The following GALNT2 variants were observed in gnomAD, a reference collection of about 807,000 sequenced individuals.
GALNT2 encodes UDP-GalNAc:polypeptide N-acetylgalactosaminyltransferase 2.
In GALNT2, 31 loss-of-function variants were observed where a neutral mutation model predicts 81.4. That is an observed-to-expected ratio of 0.38 (90% confidence interval 0.29 to 0.51). The LOEUF is 0.51. Among genes scored for constraint, GALNT2 ranks in the 20% least tolerant of loss-of-function variants. The pLI is 0.87. For synonymous variants in GALNT2, 303 were observed against 287.4 expected (o/e 1.05, Z -0.55); for missense variants, 629 against 765.7 (o/e 0.82, Z 2.11).
At chr1:230,231,590 A>C (rs2102731822) in intron 3 of GALNT2, among the ~76,000 whole-genome samples, 1 of 152,330 alleles carries the variant, frequency 6.6e-6, no homozygotes. Flanking sequence ...AGACAGAGTC[A>C]TTCTTCTACC....
chr1:230,109,843 A>G (rs1660651505), intron 1 of GALNT2, among the ~76,000 whole-genome samples: 1 of 152,138 alleles, frequency 6.6e-6, no homozygotes, highest in Non-Finnish European at 1.5e-5. Context: ...AAAAAAAAAA[A>G]AAGAAGGAAC....
At position 230,067,269 on chromosome 1, in the gene GALNT2, C is replaced by T. The variant is rs779679053; in HGVS notation, c.-12C>T. 7.5e-5 allele frequency: 99 copies of T among 1,313,636 alleles called. No individual in the cohort carries two copies. Among genetic ancestry groups the T allele is most frequent in the South Asian group, 9.6e-5 (5 of 52,340 alleles). The allele number at this position is 1,313,636 out of a possible 1,614,324, so 81.4% of individuals were successfully genotyped here. On this transcript the variant is annotated 5_prime_UTR_variant, in exon 1 of 16. Coordinates refer to ENST00000366672, the MANE Select transcript of GALNT2 (RefSeq NM_004481.5). ...GAGCAGCGGCGGCCCCGCCGGCGGC[C>T]GAGTTGGGAGAATGCGGCGGCGCTC...
chr1:230,059,072 T>C (rs537676147), intron 1 of GALNT2, among the ~76,000 whole-genome samples: 66 of 152,352 alleles, frequency 4.3e-4, no homozygotes, highest in African/African-American at 1.5e-3. Context: ...TCTCCTTTTC[T>C]CCTGATTGGG....
chr1:230,103,440 C>G (rs1454442133), intron 1 of GALNT2, among the ~76,000 whole-genome samples: 3 of 152,212 alleles, frequency 2.0e-5, no homozygotes, highest in African/African-American at 7.2e-5. Context: ...GCAGCAGCCC[C>G]CCTTTTCTCC....
At chr1:230,101,133 C>T (rs924920642) in intron 1 of GALNT2, among the ~76,000 whole-genome samples, 7 of 152,144 alleles carry the variant, frequency 4.6e-5, no homozygotes, top group African/African-American at 1.4e-4. Context: ...TCTGATCACA[C>T]GAGCAAGAAA....
chr1:230,110,577 AC>A (rs1438012549), intron 1 of GALNT2, among the ~76,000 whole-genome samples: 3 of 152,146 alleles, frequency 2.0e-5, no homozygotes, highest in Admixed American at 2.0e-4. Flanking sequence ...TAACCAGAAC[AC>A]TTAGAATGGT....
chr1:230,200,143 A>G (rs1333316997), intron 2 of GALNT2, among the ~76,000 whole-genome samples: 2 of 147,846 alleles, frequency 1.4e-5, no homozygotes, highest in African/African-American at 5.1e-5. Flanking sequence ...GCTCACTGCA[A>G]CCTCCGCCTC....
intron 3 of GALNT2, among the ~76,000 whole-genome samples, chr1:230,224,846 G>A (rs1664658502): frequency 6.6e-6 from 1 of 152,256 alleles, no homozygotes; most frequent in African/African-American, 2.4e-5. Flanking sequence ...GTGTCACAGG[G>A]AGGATAAACA....
At chr1:230,065,087 T>C (rs1430291412), upstream of GALNT2, among the ~76,000 whole-genome samples, 1 of 152,206 alleles carries the variant, frequency 6.6e-6, no homozygotes, top group Non-Finnish European at 1.5e-5. Context: ...ATTAATTAGG[T>C]TTTATTGTTT....
Position 230,171,591 on chromosome 1 carries a change from A to G in GALNT2, c.127-6627A>G, listed in dbSNP as rs1388588794. Among the ~76,000 whole-genome samples the G allele has an allele frequency of 2.0e-5, 3 of 152,386 alleles. No individual in the cohort carries two copies. The East Asian group carries it at 5.8e-4, about 29-fold the overall frequency. On this transcript the variant is annotated intron_variant, in intron 1 of 15. Transcript: ENST00000366672. ...AGTGACAACATATATTTCAGCAAGC[A>G]GAGATTAAAAACAGCCCATTTATTT...
intron 1 of GALNT2, among the ~76,000 whole-genome samples, chr1:230,173,194 G>A (rs74878616): frequency 2.0e-5 from 3 of 152,180 alleles, no homozygotes; most frequent in East Asian, 1.9e-4. Context: ...CAAAGGGAGC[G>A]AAGACCACAG....
At chr1:230,080,916 T>G (rs1299155419) in intron 1 of GALNT2, among the ~76,000 whole-genome samples, 4 of 152,222 alleles carry the variant, frequency 2.6e-5, no homozygotes, top group African/African-American at 9.6e-5. Context: ...ACTGTCACTT[T>G]GAAGGCGGGG....
rs939002718 is a variant in GALNT2 at position 230,193,607 on chromosome 1, G to A, written c.221-9530G>A. On this transcript the variant is annotated intron_variant, in intron 2 of 15. Transcript: ENST00000366672. This position sits in a 1 kb window ranked among gnomAD's most constrained non-coding sequence, Gnocchi z 4.3. Reference sequence around the variant, plus strand: ...GTCATCTTTTTTTTTTCAAATATAAGGTTTAGTAAAAACAAAAATTTTAAG... The same window carrying A: ...GTCATCTTTTTTTTTTCAAATATAAAGTTTAGTAAAAACAAAAATTTTAAG... Among the ~76,000 whole-genome samples the A allele has an allele frequency of 1.4e-4, 21 of 151,546 alleles. No homozygotes were observed. The highest frequency in any genetic ancestry group is 1.3e-3 in the Admixed American group (20 of 15,216).
chr1:230,228,719 C>T (rs12030887), intron 3 of GALNT2, among the ~76,000 whole-genome samples: 16,486 of 151,948 alleles, frequency 0.11, 1,839 homozygotes, highest in East Asian at 0.57. Flanking sequence ...CATGGCTCCT[C>T]GGGCATGTTG....
intron 1 of GALNT2, among the ~76,000 whole-genome samples, chr1:230,111,286 C>T (rs964734154): frequency 4.6e-5 from 7 of 152,226 alleles, no homozygotes; most frequent in Non-Finnish European, 1.0e-4. Flanking sequence ...TGTGTACTTA[C>T]ATGCAAGCCT....
chr1:230,149,238 T>C (rs1411465174), intron 1 of GALNT2, among the ~76,000 whole-genome samples: 1 of 152,142 alleles, frequency 6.6e-6, no homozygotes, highest in Non-Finnish European at 1.5e-5. Flanking sequence ...CTTTTATGGC[T>C]CCTGAAGTCA....
chr1:230,128,309 G>A (rs61825396), intron 1 of GALNT2, among the ~76,000 whole-genome samples: 3,631 of 149,546 alleles, frequency 0.024, 122 homozygotes, highest in East Asian at 0.096. Flanking sequence ...TTCGCTTGTC[G>A]TGGTGTGTAC....
intron 10 of GALNT2, 55 bp downstream of exon 10, chr1:230,250,615 C>A: frequency 7.2e-7 from 1 of 1,382,080 alleles, no homozygotes; most frequent in Non-Finnish European, 1.0e-6. Flanking sequence ...CTGCAAAAGG[C>A]AGGGTGCCAA....
At chr1:230,130,325 C>G (rs1661328651) in intron 1 of GALNT2, among the ~76,000 whole-genome samples, 1 of 152,194 alleles carries the variant, frequency 6.6e-6, no homozygotes, top group Non-Finnish European at 1.5e-5. Flanking sequence ...TCATAATAGC[C>G]ACCGAGTGGC....
Sources: gnomAD v4.1 joint callset for allele counts (sites outside exome capture counted in the v4.1 genomes callset) on GRCh38, gnomAD v4.1.1 for gene constraint, Gnocchi (gnomAD v3.1) non-coding constraint, MANE v1.5 for transcripts, NCBI Gene and HGNC (gene_info 2026-07-23, HGNC 2026-07-21) for gene names.